TRIM71: variants seen among roughly 807,000 people sequenced by gnomAD.
The protein encoded by TRIM71 is E3 ubiquitin-protein ligase TRIM71.
In TRIM71, 9 loss-of-function variants were observed where a neutral mutation model predicts 61.2. The observed-to-expected ratio is 0.15, with a 90% CI of 0.09 to 0.26. TRIM71 has a LOEUF of 0.26. TRIM71 is among the 10% of genes least tolerant of loss of function. The pLI, the probability that TRIM71 is intolerant of heterozygous loss-of-function variation, is 1.00. For missense variants in TRIM71, 998 were observed against 1,238.7 expected, an observed-to-expected ratio of 0.81 and a Z score of 2.92; for synonymous variants, 645 against 553.2, an observed-to-expected ratio of 1.17 and a Z score of -2.33.
chr3:32,887,300 T>G (rs1194521065), intron 3 of TRIM71, among the ~76,000 whole-genome samples: 2 of 152,164 alleles, frequency 1.3e-5, no homozygotes, highest in Admixed American at 1.3e-4. Context: ...AAGTTTTTAC[T>G]CTTGGGAGAA....
chr3:32,842,487 GTTAGGTAAAAGAATTAAGCCA>G (rs1696417766), intron 1 of TRIM71, among the ~76,000 whole-genome samples: 2 of 152,224 alleles, frequency 1.3e-5, no homozygotes, highest in African/African-American at 4.8e-5. Flanking sequence ...AGACTGCTGA[GTTAGGTAAAAGAATTAAGCCA>G]TTGTACCAGC....
intron 3 of TRIM71, among the ~76,000 whole-genome samples, chr3:32,888,556 T>G (rs904760432): frequency 1.3e-5 from 2 of 150,792 alleles, no homozygotes; most frequent in African/African-American, 5.0e-5. Context: ...TGTTGTTGTT[T>G]TGAGACGGAG....
At chr3:32,881,893 G>A (rs1696912163) in intron 2 of TRIM71, among the ~76,000 whole-genome samples, 1 of 152,204 alleles carries the variant, frequency 6.6e-6, no homozygotes, top group South Asian at 2.1e-4. Flanking sequence ...TATGCATTGG[G>A]TAGGGCTTTT....
intron 3 of TRIM71, among the ~76,000 whole-genome samples, chr3:32,886,520 C>G (rs546895955): frequency 3.9e-5 from 6 of 151,980 alleles, no homozygotes; most frequent in African/African-American, 1.4e-4. Context: ...GAAAGAGTGC[C>G]GAGCACACTA....
chr3:32,856,707 T>C (rs1696608662), intron 1 of TRIM71, among the ~76,000 whole-genome samples: 1 of 152,222 alleles, frequency 6.6e-6, no homozygotes, highest in South Asian at 2.1e-4. Context: ...CAACGTTCTT[T>C]TCAACGAGCA....
chr3:32,886,221 G>T (rs1489242289), intron 3 of TRIM71, among the ~76,000 whole-genome samples, 153 bp downstream of exon 3: 1 of 152,206 alleles, frequency 6.6e-6, no homozygotes, highest in Non-Finnish European at 1.5e-5. Context: ...GAAAGATGCA[G>T]GGGGTCCCTG....
chr3:32,885,600 A>G (rs1466863475), intron 2 of TRIM71, among the ~76,000 whole-genome samples: 3 of 152,150 alleles, frequency 2.0e-5, no homozygotes, highest in African/African-American at 7.2e-5. Flanking sequence ...GGAGTTGTAC[A>G]TTTTACATCT....
At chr3:32,822,411 T>G (rs1696144903) in intron 1 of TRIM71, among the ~76,000 whole-genome samples, 1 of 152,170 alleles carries the variant, frequency 6.6e-6, no homozygotes, top group South Asian at 2.1e-4. Context: ...CAACTTGATT[T>G]GACCCTGAAC....
rs190632491 is a variant in TRIM71, at chr3:32,889,681, C to T, written c.1156-679C>T. 9.5e-4 allele frequency among the ~76,000 whole-genome samples: 144 copies of T among 151,678 alleles called. 1 individual carries two copies. The highest frequency in any genetic ancestry group is 3.4e-3 in the Middle Eastern group (1 of 292). On this transcript the variant is annotated intron_variant, in intron 3 of 3. Coordinates refer to ENST00000383763, the MANE Select transcript of TRIM71 (RefSeq NM_001039111.3). ...TCTACTCACTGCAACCTCCGCCTCT[C>T]GGGTTCAAGCGATTCTCCCCACATC...
At chr3:32,873,322 G>T (rs1696818725) in intron 1 of TRIM71, among the ~76,000 whole-genome samples, 1 of 152,158 alleles carries the variant, frequency 6.6e-6, no homozygotes, top group Non-Finnish European at 1.5e-5. Flanking sequence ...ACTACCTGTG[G>T]TGTGAGGATG....
At chr3:32,864,232 A>G (rs1370461223) in intron 1 of TRIM71, among the ~76,000 whole-genome samples, 2 of 152,156 alleles carry the variant, frequency 1.3e-5, no homozygotes, top group Non-Finnish European at 2.9e-5. Flanking sequence ...TATTTGTTCA[A>G]AACTATATTT....
At position 32,890,539 on chromosome 3, in the gene TRIM71, G is replaced by A. The variant is rs758791413; in HGVS notation, c.1335G>A (p.Lys445=). ...TGCTGGCCCAGGTGCAGGAGCTGAA[G>A]ACCGTGCGGAGCCTCCTGCAGCCCC... ...DRMLAQVQEL[K]TVRSLLQPQE... is the part of the protein sequence containing the mutation. Residue 445 remains lysine, a synonymous_variant, in exon 4 of 4, where the codon AAG becomes AAA. Transcript: ENST00000383763. This position sits in a 1 kb window ranked among gnomAD's most constrained non-coding sequence, Gnocchi z 6.2. 6.2e-7 allele frequency: 1 copy of A among 1,614,044 alleles called. No individual in the cohort carries two copies. The highest frequency in any genetic ancestry group is 1.1e-5 in the South Asian group (1 of 91,088).
At chr3:32,850,788 T>C (rs1272589012) in intron 1 of TRIM71, among the ~76,000 whole-genome samples, 1 of 152,156 alleles carries the variant, frequency 6.6e-6, no homozygotes, top group Non-Finnish European at 1.5e-5. Context: ...TTCGCTGCCC[T>C]ATCCGCCTGT....
intron 1 of TRIM71, 87 bp from the exon 2 acceptor site, chr3:32,873,731 G>C (rs1476072319): frequency 7.7e-7 from 1 of 1,299,026 alleles, no homozygotes; most frequent in Admixed American, 2.6e-5. Flanking sequence ...TCGTTCGGTT[G>C]TGAGAGCCAG....
intron 1 of TRIM71, among the ~76,000 whole-genome samples, chr3:32,824,888 T>A (rs1400761208): frequency 1.1e-4 from 17 of 151,932 alleles, no homozygotes; most frequent in African/African-American, 4.1e-4. Flanking sequence ...TCCGCCTCCC[T>A]GGTTCAAGCA....
chr3:32,827,135 C>G (rs893436705), intron 1 of TRIM71, among the ~76,000 whole-genome samples: 20 of 152,046 alleles, frequency 1.3e-4, no homozygotes, highest in African/African-American at 4.3e-4. Flanking sequence ...TTGTATTTCA[C>G]TCAAAAACAA....
At chr3:32,876,870 G>A (rs559764524) in intron 2 of TRIM71, among the ~76,000 whole-genome samples, 77 of 152,232 alleles carry the variant, frequency 5.1e-4, no homozygotes, top group African/African-American at 1.8e-3. Flanking sequence ...AATTCTGTGG[G>A]GAGAAAAGAG....
Position 32,891,194 on chromosome 3 carries a change from T to G in TRIM71, c.1990T>G (p.Ser664Ala), listed in dbSNP as rs1208921572. 6.2e-7 allele frequency: 1 copy of G among 1,613,618 alleles called. No individual in the cohort carries two copies. Among genetic ancestry groups the G allele is most frequent in the Middle Eastern group, 1.6e-4 (1 of 6,062 alleles). The change falls in exon 4 of 4, where the codon TCA (serine) becomes GCA (alanine). Residue 664 changes from serine to alanine, a missense_variant. Coordinates refer to ENST00000383763, the MANE Select transcript of TRIM71 (RefSeq NM_001039111.3). This position sits in a 1 kb window ranked among gnomAD's most constrained non-coding sequence, Gnocchi z 8.2. ...ACCAGCCGGCGTGGCCTGTGACGCC[T>G]CACGCAGGATCGTGGTGGCTGACAA... ...DRPAGVACDASRRIVVADKDN... is the reference protein window; with the variant it reads ...DRPAGVACDAARRIVVADKDN...
At chr3:32,874,367 T>TACTACTACTACA (rs776234839) in intron 2 of TRIM71, among the ~76,000 whole-genome samples, 16 of 110,992 alleles carry the variant, frequency 1.4e-4, no homozygotes, top group Admixed American at 2.8e-4. Context: ...CTACTACTAC[T>TACTACTACTACA]ACAACATATT....
Sources: gnomAD v4.1 joint callset for allele counts (sites outside exome capture counted in the v4.1 genomes callset) on GRCh38, gnomAD v4.1.1 for gene constraint, Gnocchi (gnomAD v3.1) non-coding constraint, MANE v1.5 for transcripts, NCBI Gene and HGNC (gene_info 2026-07-23, HGNC 2026-07-21) for gene names.